The following ZFP1 variants were observed in gnomAD, a reference collection of about 807,000 sequenced individuals.
The protein encoded by ZFP1 is zinc finger protein 1 homolog.
In ZFP1, 32 loss-of-function variants were observed where a neutral mutation model predicts 38.5. The ratio of observed to expected loss-of-function variants is 0.83; its 90% CI spans 0.63 to 1.12. The LOEUF (loss-of-function observed/expected upper bound fraction) is 1.12. ZFP1 is among the 50% of genes most tolerant of loss of function. The probability of loss-of-function intolerance (pLI) is 0.00; values close to 1 mark genes in which losing one functional copy is unlikely to be tolerated. For synonymous variants in ZFP1, 245 were observed against 168.8 expected, an observed-to-expected ratio of 1.45 and a Z score of -3.50; for missense variants, 616 against 480.8, an observed-to-expected ratio of 1.28 and a Z score of -2.63.
At chr16:75,120,532 T>G in the ZFP1 span, among the ~76,000 whole-genome samples, 1 of 152,168 alleles carries the variant, frequency 6.6e-6, no homozygotes, top group African/African-American at 2.4e-5. Flanking sequence ...TTTTTTGTTT[T>G]TTTTTTTGAC....
chr16:75,130,687 A>G, the ZFP1 span, among the ~76,000 whole-genome samples: 2 of 152,172 alleles, frequency 1.3e-5, no homozygotes, highest in East Asian at 3.9e-4. Context: ...CTGCCTGACC[A>G]TCACCTGAGG....
At chr16:75,132,129 T>C in the ZFP1 span, among the ~76,000 whole-genome samples, 3 of 152,314 alleles carry the variant, frequency 2.0e-5, no homozygotes, top group East Asian at 5.8e-4. Context: ...GGCTCACACT[T>C]GTCATCCCAG....
rs1018839364 is a variant in ZFP1 at position 75,166,590 on chromosome 16, T to C, written c.16-180T>C. On this transcript the variant is annotated intron_variant, in intron 2 of 3. Coordinates refer to ENST00000570010, the MANE Select transcript of ZFP1 (RefSeq NM_153688.4). The stretch of plus-strand genomic sequence containing the variant: ...TGACAGTGCCAGAGATATAGGGGAA[T>C]CTGAATAAATCTCAACTATTTATAA... 8.1e-6 allele frequency: 8 copies of C among 985,096 alleles called. No individual in the cohort carries two copies. The Admixed American group carries it at 3.7e-4, about 45-fold the overall frequency. The allele number at this position is 985,096 out of a possible 1,614,324, so 61.0% of individuals were successfully genotyped here.
chr16:75,127,063 T>C, the ZFP1 span, among the ~76,000 whole-genome samples: 1 of 152,360 alleles, frequency 6.6e-6, no homozygotes, highest in Middle Eastern at 3.4e-3. Flanking sequence ...TATGTTAAAT[T>C]ATTGTGTGCT....
At chr16:75,139,613 G>A in the ZFP1 span, among the ~76,000 whole-genome samples, 3 of 152,024 alleles carry the variant, frequency 2.0e-5, no homozygotes, top group Non-Finnish European at 2.9e-5. Flanking sequence ...GATTGCTTGA[G>A]GCCAGGAGGT....
chr16:75,154,670 C>A (rs912187579), intron 2 of ZFP1, among the ~76,000 whole-genome samples: 3 of 149,384 alleles, frequency 2.0e-5, no homozygotes, highest in African/African-American at 7.4e-5. Flanking sequence ...CTGACAGAGA[C>A]AGAGGGAGGG....
rs372345177 is a variant in ZFP1, at chr16:75,170,385, G to C, written c.*51G>C. The C allele has an allele frequency of 5.6e-5, 85 of 1,505,796 alleles. No individual in the cohort carries two copies. The highest frequency in any genetic ancestry group is 7.2e-5 in the Non-Finnish European group (81 of 1,128,180). The allele number at this position is 1,505,796 out of a possible 1,614,324, so 93.3% of individuals were successfully genotyped here. On this transcript the variant is annotated 3_prime_UTR_variant, in exon 4 of 4. Coordinates refer to ENST00000570010, the MANE Select transcript of ZFP1 (RefSeq NM_153688.4). ...AAACTCCTGCCAGAACTCTTCAAGC[G>C]GGTGAAAAACCTCATGACAGTATTG...
chr16:75,120,160 C>T, the ZFP1 span, among the ~76,000 whole-genome samples: 7 of 151,912 alleles, frequency 4.6e-5, no homozygotes, highest in Admixed American at 2.0e-4. Context: ...TGTGTGTGTG[C>T]GCATGTGCGT....
chr16:75,169,999 G>T lies in ZFP1; in HGVS notation c.889G>T (p.Glu297Ter), dbSNP rs1362550243. 6.2e-7 allele frequency: 1 copy of T among 1,614,090 alleles called. No homozygotes were observed. Among genetic ancestry groups the T allele is most frequent in the Non-Finnish European group, 8.5e-7 (1 of 1,180,048 alleles). The part of the protein sequence containing the change: ...QRIHTGERPY[E>*]CNECAKTFFK... ...AATTCATACAGGAGAGCGACCCTAT[G>T]AGTGTAACGAATGTGCAAAAACCTT... Residue 297 changes from glutamate to a stop codon, truncating the protein, a stop_gained, in exon 4 of 4, where the codon GAG becomes TAG. Transcript: ENST00000570010. LOFTEE classifies it high-confidence loss of function.
chr16:75,121,069 T>C, the ZFP1 span, among the ~76,000 whole-genome samples: 3 of 152,206 alleles, frequency 2.0e-5, no homozygotes, highest in Non-Finnish European at 2.9e-5. Flanking sequence ...CAGGATTCAG[T>C]GTGGGCTCTG....
chr16:75,149,693 G>A (rs534099720), intron 1 of ZFP1, among the ~76,000 whole-genome samples: 1 of 151,486 alleles, frequency 6.6e-6, no homozygotes, highest in Non-Finnish European at 1.5e-5. Flanking sequence ...CGAGTAGCTG[G>A]GATTACAGGC....
chr16:75,143,883 G>A (rs1233988478), upstream of ZFP1, among the ~76,000 whole-genome samples: 3 of 150,280 alleles, frequency 2.0e-5, no homozygotes, highest in Admixed American at 1.3e-4. Context: ...CAAACTCCTG[G>A]GCTCAAGGGA....
chr16:75,128,658 G>T, the ZFP1 span, among the ~76,000 whole-genome samples: 3 of 152,064 alleles, frequency 2.0e-5, no homozygotes, highest in Non-Finnish European at 2.9e-5. Context: ...TCCCCATTTT[G>T]CCTAATCTGG....
the ZFP1 span, chr16:75,119,628 A>T: frequency 6.6e-6 from 1 of 152,174 alleles, no homozygotes; most frequent in African/African-American, 2.4e-5. Context: ...TTAAGATTAC[A>T]ACCAGCTGGT....
intron 3 of ZFP1, among the ~76,000 whole-genome samples, chr16:75,167,313 A>AACACTTAAGTATAGCTG (rs1457691352): frequency 1.3e-5 from 2 of 152,158 alleles, no homozygotes; most frequent in African/African-American, 4.8e-5. Flanking sequence ...TCAAATCCCT[A>AACACTTAAGTATAGCTG]ACACTTAAGT....
chr16:75,149,539 G>A (rs2037072017), intron 1 of ZFP1, among the ~76,000 whole-genome samples: 1 of 138,932 alleles, frequency 7.2e-6, no homozygotes, highest in African/African-American at 2.6e-5. Flanking sequence ...GTATTGTACC[G>A]TTTCTTTTCT....
Position 75,170,918 on chromosome 16 carries a change from A to G in ZFP1, c.*584A>G, listed in dbSNP as rs1051637356. ...TGCTGGCATATATCAGTTGGTATGAACATTGTTCTTGAGCTGCCTCTTAGG... is the reference window on the plus strand; with the variant it reads ...TGCTGGCATATATCAGTTGGTATGAGCATTGTTCTTGAGCTGCCTCTTAGG... On this transcript the variant is annotated 3_prime_UTR_variant, in exon 4 of 4. Coordinates refer to ENST00000570010, the MANE Select transcript of ZFP1 (RefSeq NM_153688.4). 30 of 152,246 alleles carry G rather than the reference A, an allele frequency of 2.0e-4. No individual in the cohort carries two copies. The highest frequency in any genetic ancestry group is 7.0e-4 in the African/African-American group (29 of 41,462). The allele number at this position is 152,246 out of a possible 1,614,324, so 9.4% of individuals were successfully genotyped here.
At chr16:75,139,390 A>AACAAAAC in the ZFP1 span, among the ~76,000 whole-genome samples, 3 of 131,316 alleles carry the variant, frequency 2.3e-5, no homozygotes, top group African/African-American at 1.3e-4. Context: ...AAAAAAAAAA[A>AACAAAAC]AAAAAACACC....
At chr16:75,157,398 T>TGTG (rs2037524570) in intron 2 of ZFP1, among the ~76,000 whole-genome samples, 1 of 151,846 alleles carries the variant, frequency 6.6e-6, no homozygotes, top group African/African-American at 2.4e-5. Flanking sequence ...TGTGTGCCAC[T>TGTG]ACACACGGTG....
Sources: allele counts gnomAD v4.1 joint callset (sites outside exome capture counted in the v4.1 genomes callset), GRCh38; gene constraint gnomAD v4.1.1; transcripts MANE v1.5; gene names NCBI Gene and HGNC (gene_info 2026-07-23, HGNC 2026-07-21).